Variants in FGF14 observed in about 807,000 individuals in gnomAD.
FGF14 encodes fibroblast growth factor homologous factor 4.
Under a neutral mutation model 25.5 loss-of-function variants are expected in FGF14, and 5 were observed. The ratio of observed to expected loss-of-function variants is 0.20; its 90% CI spans 0.10 to 0.41. The LOEUF is 0.41. Among genes scored for constraint, FGF14 ranks in the 10% least tolerant of loss-of-function variants. The probability of loss-of-function intolerance (pLI) is 1.00; values close to 1 mark genes in which losing one functional copy is unlikely to be tolerated. For synonymous variants in FGF14, 138 were observed against 118.3 expected, an observed-to-expected ratio of 1.17 and a Z score of -1.08; for missense variants, 222 against 320.1, an observed-to-expected ratio of 0.69 and a Z score of 2.34.
At chr13:102,034,649 T>C (rs1035921483) in intron 1 of FGF14, among the ~76,000 whole-genome samples, 3 of 152,042 alleles carry the variant, frequency 2.0e-5, no homozygotes, top group Non-Finnish European at 4.4e-5. Flanking sequence ...ATATCCATGA[T>C]AAAAAAGTCA....
chr13:101,829,643 T>C (rs750711516), intron 3 of FGF14, among the ~76,000 whole-genome samples: 1 of 152,052 alleles, frequency 6.6e-6, no homozygotes, highest in Non-Finnish European at 1.5e-5. Flanking sequence ...GGAAAACTGA[T>C]GACCCAGGGC....
At chr13:101,833,535 C>A (rs1392538508) in intron 3 of FGF14, among the ~76,000 whole-genome samples, 2 of 151,938 alleles carry the variant, frequency 1.3e-5, no homozygotes, top group African/African-American at 4.8e-5. Context: ...AGAAGACAAT[C>A]CCTTTCAAGT....
At chr13:102,187,512 G>A (rs1336730) in intron 1 of FGF14, among the ~76,000 whole-genome samples, 23,605 of 152,100 alleles carry the variant, frequency 0.16, 2,244 homozygotes, top group African/African-American at 0.27. Flanking sequence ...AACAGCATCC[G>A]CAACAGCCTC....
chr13:102,254,441 C>T (rs2052345340), intron 1 of FGF14, among the ~76,000 whole-genome samples: 1 of 152,106 alleles, frequency 6.6e-6, no homozygotes, highest in South Asian at 2.1e-4. Context: ...CAGGAGCTTC[C>T]AGGCGAGTCC....
chr13:101,845,704 G>C (rs539734198), intron 3 of FGF14, among the ~76,000 whole-genome samples: 1 of 151,988 alleles, frequency 6.6e-6, no homozygotes, highest in Non-Finnish European at 1.5e-5. Flanking sequence ...CACCAGAGGC[G>C]TAAATGAGGT....
intron 1 of FGF14, among the ~76,000 whole-genome samples, chr13:102,134,645 T>C (rs1026385310): frequency 6.6e-6 from 1 of 152,184 alleles, no homozygotes; most frequent in Admixed American, 6.5e-5. Context: ...GTTGGACTAA[T>C]TGCCTGGGGC....
At chr13:102,087,404 TTTC>T (rs2043958103) in intron 1 of FGF14, among the ~76,000 whole-genome samples, 1 of 120,218 alleles carries the variant, frequency 8.3e-6, no homozygotes, top group African/African-American at 3.5e-5. Flanking sequence ...TAGACTGTAA[TTTC>T]TTTTTTTTTT....
intron 1 of FGF14, among the ~76,000 whole-genome samples, chr13:101,943,830 T>TATATATATATATATATACACACAC (rs2035622255): frequency 7.1e-6 from 1 of 140,408 alleles, no homozygotes; most frequent in African/African-American, 2.8e-5. Context: ...AAAAAAAATA[T>TATATATATATATATATACACACAC]ATATATATAT....
chr13:101,900,923 T>G (rs1433704313), intron 1 of FGF14, among the ~76,000 whole-genome samples: 1 of 152,172 alleles, frequency 6.6e-6, no homozygotes, highest in African/African-American at 2.4e-5. Context: ...CATATCATCT[T>G]CAATATATAG....
In FGF14 at chr13:101,715,952, A is replaced by G; in HGVS notation, c.*6879T>C. ...ATCTACAGACAATTTTGATTGTCAC[A>G]CTGGGTCGGGTAGGAAGGTATGCTG... On this transcript the variant is annotated 3_prime_UTR_variant, in exon 5 of 5. Coordinates refer to ENST00000376143, the MANE Select transcript of FGF14 (RefSeq NM_004115.4). 1 of 326,706 alleles carries G rather than the reference A, an allele frequency of 3.1e-6. No homozygotes were observed. The highest frequency in any genetic ancestry group is 5.8e-6 in the Non-Finnish European group (1 of 172,262). The allele number at this position is 326,706 out of a possible 1,614,324, so 20.2% of individuals were successfully genotyped here.
Position 101,726,694 on chromosome 13 carries a change from T to C in FGF14, c.525A>G (p.Leu175=). The change falls in exon 4 of 5, where the codon TTA becomes TTG. Residue 175 remains leucine (L), a synonymous_variant. Transcript: ENST00000376143. ...CTTTCATAGCTTGCCCTTCCTTATT[T>C]AATCCCAAAAACCAGGCTCTACCAG... is the stretch of plus-strand genomic sequence containing the variant. ...QESGRAWFLG[L]NKEGQAMKGN... The C allele has an allele frequency of 6.2e-7, 1 of 1,613,582 alleles. No homozygotes were observed. The highest frequency in any genetic ancestry group is 8.5e-7 in the Non-Finnish European group (1 of 1,179,684).
chr13:101,755,145 T>C (rs2037558856), intron 3 of FGF14, among the ~76,000 whole-genome samples: 1 of 152,196 alleles, frequency 6.6e-6, no homozygotes, highest in Non-Finnish European at 1.5e-5. Context: ...AAATTACTTT[T>C]GAGTTTAGTT....
At chr13:102,285,048 T>A (rs1320567719) in intron 1 of FGF14, among the ~76,000 whole-genome samples, 1 of 152,078 alleles carries the variant, frequency 6.6e-6, no homozygotes, top group African/African-American at 2.4e-5. Flanking sequence ...GAAAAAAGAA[T>A]GAACCTTGGA....
At chr13:102,276,351 GTGTA>G (rs1432924391) in intron 1 of FGF14, among the ~76,000 whole-genome samples, 1,408 of 41,568 alleles carry the variant, frequency 0.034, 13 homozygotes, top group East Asian at 0.046. Context: ...GTGTGTGTGT[GTGTA>G]TATATATATA....
intron 3 of FGF14, among the ~76,000 whole-genome samples, chr13:101,758,384 G>A (rs2037792847): frequency 6.6e-6 from 1 of 152,212 alleles, no homozygotes; most frequent in Non-Finnish European, 1.5e-5. Context: ...CCCAGGTGAT[G>A]CTGATGCTGT....
chr13:102,284,001 A>G (rs2053971775), intron 1 of FGF14, among the ~76,000 whole-genome samples: 1 of 152,256 alleles, frequency 6.6e-6, no homozygotes, highest in African/African-American at 2.4e-5. Context: ...GGCAAAAAGT[A>G]GGTATTATAA....
At chr13:102,024,907 T>A (rs555085161) in intron 1 of FGF14, among the ~76,000 whole-genome samples, 5 of 151,784 alleles carry the variant, frequency 3.3e-5, no homozygotes, top group Admixed American at 2.0e-4. Context: ...AATGTTAGGA[T>A]GTACTTCCAG....
chr13:101,825,650 T>C (rs2140257293), intron 3 of FGF14, among the ~76,000 whole-genome samples: 1 of 152,270 alleles, frequency 6.6e-6, no homozygotes, highest in African/African-American at 2.4e-5. Context: ...GAGGTGTAAA[T>C]ATCATTAGAA....
chr13:101,917,072 G>A (rs1190911766), upstream of FGF14, among the ~76,000 whole-genome samples: 2 of 151,380 alleles, frequency 1.3e-5, no homozygotes, highest in Admixed American at 6.6e-5. Context: ...CCCGGGCGCC[G>A]GCTGGAGGGC....
Sources: gnomAD v4.1 joint callset for allele counts (sites outside exome capture counted in the v4.1 genomes callset) on GRCh38, gnomAD v4.1.1 for gene constraint, MANE v1.5 for transcripts, NCBI Gene and HGNC (gene_info 2026-07-23, HGNC 2026-07-21) for gene names.